The following IMMP2L variants were observed in gnomAD, a reference collection of about 807,000 sequenced individuals.
IMMP2L encodes the protein inner mitochondrial membrane peptidase subunit 2, also known as mitochondrial inner membrane protease subunit 2.
IMMP2L carries 18 observed loss-of-function variants against 19.3 expected under a neutral mutation model. That is an observed-to-expected ratio of 0.93 (90% CI 0.64 to 1.38). The LOEUF is 1.38. Among genes scored for constraint, IMMP2L ranks in the 40% most tolerant of loss-of-function variants. IMMP2L has a pLI of 0.00. For missense variants in IMMP2L, 233 were observed against 218.2 expected, an observed-to-expected ratio of 1.07 and a Z score of -0.43; for synonymous variants, 76 against 73.0, an observed-to-expected ratio of 1.04 and a Z score of -0.21.
intron 1 of IMMP2L, among the ~76,000 whole-genome samples, chr7:111,525,178 TGAG>T (rs893530060): frequency 1.3e-5 from 2 of 151,808 alleles, no homozygotes; most frequent in Admixed American, 6.6e-5. Flanking sequence ...AACTGAAAAA[TGAG>T]GAGAACTTCT....
In IMMP2L at chr7:110,729,944, T is replaced by TAAAA. The variant is rs1202649963; in HGVS notation, c.409-66227_409-66224dup. ...ATAAAAGTTGATTTTTTTTTTTTTT[T>TAAAA]AAAAAGCAACGCATCTTTTATGAAG... On this transcript the variant is annotated intron_variant, in intron 5 of 5. Coordinates refer to ENST00000405709, the MANE Select transcript of IMMP2L (RefSeq NM_032549.4). 1.1e-3 allele frequency among the ~76,000 whole-genome samples: 159 copies of TAAAA among 141,128 alleles called. 1 individual carries two copies. Among genetic ancestry groups the TAAAA allele is most frequent in the African/African-American group, 3.5e-3 (143 of 40,538 alleles). 92.6% of individuals were successfully genotyped at this position (141,128 alleles called of 152,430 possible). A position where few individuals can be genotyped will look rare whatever the true frequency, so the allele number is the denominator to read the frequency against.
intron 3 of IMMP2L, among the ~76,000 whole-genome samples, chr7:111,214,193 A>T (rs2129619349): frequency 6.6e-6 from 1 of 152,224 alleles, no homozygotes; most frequent in African/African-American, 2.4e-5. Context: ...AACACTCAAA[A>T]CAAATTTCAT....
At chr7:111,355,818 T>C (rs562309584) in intron 3 of IMMP2L, among the ~76,000 whole-genome samples, 9 of 151,962 alleles carry the variant, frequency 5.9e-5, no homozygotes, top group Non-Finnish European at 1.2e-4. Flanking sequence ...ATTTCAAAGG[T>C]TTGTGTTTAA....
chr7:111,047,375 A>G (rs1232294284), intron 3 of IMMP2L, among the ~76,000 whole-genome samples: 2 of 152,002 alleles, frequency 1.3e-5, no homozygotes, highest in African/African-American at 4.8e-5. Flanking sequence ...TTTAGTACAG[A>G]AGGGGTTTCT....
intron 5 of IMMP2L, among the ~76,000 whole-genome samples, chr7:110,776,308 T>A (rs1358484088): frequency 4.6e-5 from 7 of 152,018 alleles, no homozygotes; most frequent in African/African-American, 1.7e-4. Context: ...TTAAAAACAA[T>A]CTTTGATAAA....
intron 2 of IMMP2L, among the ~76,000 whole-genome samples, chr7:111,502,537 C>A (rs1217619884): frequency 6.6e-6 from 1 of 152,062 alleles, no homozygotes; most frequent in Non-Finnish European, 1.5e-5. Flanking sequence ...AGCACCACAC[C>A]ACACCTATTC....
chr7:111,016,855 T>C (rs28864969), intron 3 of IMMP2L, among the ~76,000 whole-genome samples: 11 of 83,760 alleles, frequency 1.3e-4, no homozygotes, highest in Non-Finnish European at 1.0e-4. Flanking sequence ...ATAATATATA[T>C]TATATAATAT....
At chr7:111,105,633 G>C (rs927402157) in intron 3 of IMMP2L, among the ~76,000 whole-genome samples, 1 of 151,758 alleles carries the variant, frequency 6.6e-6, no homozygotes, top group Non-Finnish European at 1.5e-5. Context: ...TATTTTTGTT[G>C]TTCCTCCTAT....
chr7:111,167,766 T>C (rs1178035773), intron 3 of IMMP2L, among the ~76,000 whole-genome samples: 2 of 151,940 alleles, frequency 1.3e-5, no homozygotes, highest in Non-Finnish European at 2.9e-5. Flanking sequence ...GAGCCTGTTG[T>C]GTTTACTCGG....
intron 3 of IMMP2L, among the ~76,000 whole-genome samples, chr7:111,272,040 G>T (rs577040880): frequency 6.6e-6 from 1 of 151,978 alleles, no homozygotes; most frequent in African/African-American, 2.4e-5. Flanking sequence ...TTCCCCACCC[G>T]ATCTGTTTTC....
chr7:110,956,091 A>G (rs1430183680), intron 4 of IMMP2L, among the ~76,000 whole-genome samples: 1 of 152,080 alleles, frequency 6.6e-6, no homozygotes, highest in Non-Finnish European at 1.5e-5. Flanking sequence ...CTTCAATAGT[A>G]CATTTAAAAT....
At chr7:110,938,507 AAAC>A (rs1179186038) in intron 4 of IMMP2L, among the ~76,000 whole-genome samples, 12 of 152,204 alleles carry the variant, frequency 7.9e-5, no homozygotes, top group African/African-American at 2.7e-4. Flanking sequence ...TCTCCAAATG[AAAC>A]AACAAGAAAT....
In IMMP2L at chr7:110,997,696, A is replaced by G. The variant is rs1018961233; in HGVS notation, c.240-34131T>C. 2.6e-5 allele frequency among the ~76,000 whole-genome samples: 4 copies of G among 151,606 alleles called. No homozygotes were observed. In the East Asian group the frequency reaches 7.8e-4, roughly 29 times the overall value. On this transcript the variant is annotated intron_variant, in intron 3 of 5. Transcript: ENST00000405709. ...TTTTTTCTGTTCGTGTCTTTTGCCC[A>G]TTTTCTAACTGTTTGCTTCTTTACT...
intron 3 of IMMP2L, among the ~76,000 whole-genome samples, chr7:111,143,458 G>A (rs1159098179): frequency 2.6e-5 from 4 of 152,018 alleles, no homozygotes; most frequent in East Asian, 3.9e-4. Context: ...GATGTTCCCC[G>A]TGAAAGACCA....
At chr7:111,068,696 T>G (rs1794710530) in intron 3 of IMMP2L, among the ~76,000 whole-genome samples, 1 of 152,190 alleles carries the variant, frequency 6.6e-6, no homozygotes, top group African/African-American at 2.4e-5. Flanking sequence ...CTCTCAGTGA[T>G]ATCGTAAGCC....
intron 3 of IMMP2L, among the ~76,000 whole-genome samples, chr7:111,326,996 CGTA>C (rs1192092692): frequency 3.3e-5 from 5 of 151,120 alleles, no homozygotes; most frequent in Non-Finnish European, 7.4e-5. Context: ...ATAAGGAAAA[CGTA>C]GTACATTTAC....
intron 1 of IMMP2L, among the ~76,000 whole-genome samples, chr7:111,556,035 T>TATATATATATATATATATATATAA: frequency 7.4e-6 from 1 of 135,734 alleles, no homozygotes; most frequent in East Asian, 2.2e-4. Flanking sequence ...TATATATATA[T>TATATATATATATATATATATATAA]ACATACCCAA....
At chr7:111,065,022 G>A (rs1485179979) in intron 3 of IMMP2L, among the ~76,000 whole-genome samples, 2 of 152,176 alleles carry the variant, frequency 1.3e-5, no homozygotes, top group African/African-American at 4.8e-5. Flanking sequence ...AGCATGCTGA[G>A]GTGCTTGCTG....
chr7:111,557,605 G>C (rs10280169), intron 1 of IMMP2L, among the ~76,000 whole-genome samples: 136,134 of 152,234 alleles, frequency 0.89, 61,344 homozygotes, highest in East Asian at 0.97. Flanking sequence ...ACCTGGTATT[G>C]CAGGCAGAGA....
Sources: allele counts gnomAD v4.1 joint callset (sites outside exome capture counted in the v4.1 genomes callset), GRCh38; gene constraint gnomAD v4.1.1; transcripts MANE v1.5; gene names NCBI Gene and HGNC (gene_info 2026-07-23, HGNC 2026-07-21).